The following PTPRD variants were observed in gnomAD, a reference collection of about 807,000 sequenced individuals.
The protein encoded by PTPRD is receptor-type tyrosine-protein phosphatase delta.
Under a neutral mutation model 214.5 loss-of-function variants are expected in PTPRD, and 34 were observed. The ratio of observed to expected loss-of-function variants is 0.16; its 90% CI spans 0.12 to 0.21. The LOEUF (loss-of-function observed/expected upper bound fraction) is 0.21, where lower values mean the gene tolerates loss of function less well. Ranked by LOEUF, PTPRD falls within the 10% of genes least tolerant of loss-of-function variation. The pLI, the probability that PTPRD is intolerant of heterozygous loss-of-function variation, is 1.00. For synonymous variants in PTPRD, 1,128 were observed against 845.7 expected, an observed-to-expected ratio of 1.33 and a Z score of -5.79; for missense variants, 2,545 against 2,398.7, an observed-to-expected ratio of 1.06 and a Z score of -1.27.
At chr9:9,674,608 C>G (rs1342898587) in intron 7 of PTPRD, among the ~76,000 whole-genome samples, 1 of 151,572 alleles carries the variant, frequency 6.6e-6, no homozygotes, top group African/African-American at 2.4e-5. Context: ...AACTACAGGA[C>G]AGCAAAAAAT....
At chr9:10,436,174 T>C (rs1479133678) in intron 2 of PTPRD, among the ~76,000 whole-genome samples, 1 of 151,854 alleles carries the variant, frequency 6.6e-6, no homozygotes, top group African/African-American at 2.4e-5. Context: ...AAAATACTAA[T>C]GTAACATTTT....
At position 10,247,150 on chromosome 9, in the gene PTPRD, G is replaced by C. The variant is rs1314694407; in HGVS notation, c.-545+93813C>G. Among the ~76,000 whole-genome samples, 4 of 152,140 alleles carry C rather than the reference G, an allele frequency of 2.6e-5. No individual in the cohort carries two copies. In the East Asian group the frequency reaches 7.7e-4, roughly 29 times the overall value. On this transcript the variant is annotated intron_variant, in intron 3 of 45. Coordinates refer to ENST00000381196, the MANE Select transcript of PTPRD (RefSeq NM_002839.4). ...CAAGGTGTTACACAAAGTAAAACTA[G>C]TTTGATTAGTCATAATTGTTAATAG...
chr9:8,872,515 G>A (rs2098319855), intron 11 of PTPRD, among the ~76,000 whole-genome samples: 1 of 152,172 alleles, frequency 6.6e-6, no homozygotes, highest in Admixed American at 6.6e-5. Flanking sequence ...GTACAAGCTA[G>A]TATTTTGGCC....
intron 8 of PTPRD, among the ~76,000 whole-genome samples, chr9:9,447,695 C>T (rs192294121): frequency 6.6e-6 from 1 of 152,212 alleles, no homozygotes; most frequent in East Asian, 1.9e-4. Context: ...TCTCAAGGGA[C>T]TTCTACATGT....
At chr9:9,275,170 AT>A (rs1944931593) in intron 9 of PTPRD, among the ~76,000 whole-genome samples, 1 of 37,272 alleles carries the variant, frequency 2.7e-5, no homozygotes, top group Admixed American at 5.1e-4. Flanking sequence ...TATAACATAT[AT>A]ATAATATATA....
At chr9:10,490,705 T>C (rs751882695) in intron 2 of PTPRD, among the ~76,000 whole-genome samples, 1 of 152,154 alleles carries the variant, frequency 6.6e-6, no homozygotes, top group Non-Finnish European at 1.5e-5. Flanking sequence ...TTTCACACTC[T>C]AGTTTTTATC....
intron 8 of PTPRD, among the ~76,000 whole-genome samples, chr9:9,441,748 C>G (rs910874273): frequency 6.6e-6 from 1 of 151,930 alleles, no homozygotes; most frequent in Non-Finnish European, 1.5e-5. Flanking sequence ...CATTAATGTC[C>G]CTTTTGAATA....
intron 3 of PTPRD, among the ~76,000 whole-genome samples, chr9:10,114,103 T>A (rs1410197606): frequency 1.3e-5 from 2 of 152,192 alleles, no homozygotes; most frequent in Admixed American, 1.3e-4. Context: ...TTGACAAACA[T>A]GGAACATGCT....
At chr9:9,394,432 C>G (rs576057083) in intron 9 of PTPRD, among the ~76,000 whole-genome samples, 1 of 152,160 alleles carries the variant, frequency 6.6e-6, no homozygotes, top group Non-Finnish European at 1.5e-5. Flanking sequence ...CAATTCACAA[C>G]TGATTGGAAG....
chr9:8,609,805 T>C (rs966238304), intron 14 of PTPRD, among the ~76,000 whole-genome samples: 1 of 152,232 alleles, frequency 6.6e-6, no homozygotes, highest in African/African-American at 2.4e-5. Context: ...TTTGAGGTTT[T>C]CCCTTAATCA....
In PTPRD at chr9:9,059,287, A is replaced by G. The variant is rs2099702902; in HGVS notation, c.-142-40552T>C. Reference sequence around the variant, plus strand: ...CCAACTACAAGAACCTAATGTGTACAGCATTGAAATGGCCCATAATATGGC... The same window carrying G: ...CCAACTACAAGAACCTAATGTGTACGGCATTGAAATGGCCCATAATATGGC... On this transcript the variant is annotated intron_variant, in intron 10 of 45. Coordinates refer to ENST00000381196, the MANE Select transcript of PTPRD (RefSeq NM_002839.4). Among the ~76,000 whole-genome samples the G allele has an allele frequency of 3.3e-5, 5 of 152,230 alleles. No homozygotes were observed. The South Asian group carries it at 1.0e-3, about 31-fold the overall frequency.
intron 44 of PTPRD, among the ~76,000 whole-genome samples, chr9:8,323,013 TTAAG>T (rs1306689307): frequency 6.6e-6 from 1 of 151,952 alleles, no homozygotes; most frequent in East Asian, 1.9e-4. Context: ...CTTGAAAAAA[TTAAG>T]TTTTAGTAAG....
intron 7 of PTPRD, among the ~76,000 whole-genome samples, chr9:9,663,121 G>A (rs904702077): frequency 3.6e-4 from 54 of 151,442 alleles, no homozygotes; most frequent in Non-Finnish European, 1.0e-4. Flanking sequence ...TATGCATGTA[G>A]ATATTATAGT....
At chr9:9,275,091 G>C (rs71492009) in intron 9 of PTPRD, among the ~76,000 whole-genome samples, 1 of 53,176 alleles carries the variant, frequency 1.9e-5, no homozygotes, top group Non-Finnish European at 3.6e-5. Flanking sequence ...TAATATATAT[G>C]TTATATATAT....
intron 3 of PTPRD, among the ~76,000 whole-genome samples, chr9:10,144,601 T>C (rs1241360384): frequency 1.3e-5 from 2 of 152,156 alleles, no homozygotes; most frequent in African/African-American, 4.8e-5. Flanking sequence ...GTCAGCATCA[T>C]CTATTTCATT....
At chr9:8,934,466 T>TATATATATAAATTTATATATATATAA (rs1567099314) in intron 11 of PTPRD, among the ~76,000 whole-genome samples, 1 of 26,140 alleles carries the variant, frequency 3.8e-5, no homozygotes, top group Non-Finnish European at 5.7e-5. Flanking sequence ...TATATATAAA[T>TATATATATAAATTTATATATATATAA]ATATATATAT....
At chr9:10,466,774 T>C (rs1588841846) in intron 2 of PTPRD, among the ~76,000 whole-genome samples, 1 of 151,974 alleles carries the variant, frequency 6.6e-6, no homozygotes, top group Non-Finnish European at 1.5e-5. Context: ...AGTAAGCTTC[T>C]CAAATACAAA....
chr9:10,559,066 G>A (rs1178617319), intron 2 of PTPRD, among the ~76,000 whole-genome samples: 3 of 152,108 alleles, frequency 2.0e-5, no homozygotes, highest in Non-Finnish European at 4.4e-5. Context: ...TCAACTTCAT[G>A]AGAGTAAAAA....
chr9:8,804,861 T>C (rs1160039306), intron 11 of PTPRD, among the ~76,000 whole-genome samples: 2 of 152,264 alleles, frequency 1.3e-5, no homozygotes, highest in East Asian at 3.9e-4. Context: ...TAAAAATAGC[T>C]TGTGTTGACT....
Sources: gnomAD v4.1 joint callset for allele counts (sites outside exome capture counted in the v4.1 genomes callset) on GRCh38, gnomAD v4.1.1 for gene constraint, MANE v1.5 for transcripts, NCBI Gene and HGNC (gene_info 2026-07-23, HGNC 2026-07-21) for gene names.